Variants in UBE2W observed in about 807,000 individuals in gnomAD.
The protein encoded by UBE2W is ubiquitin conjugating enzyme E2 W, also known as ubiquitin-conjugating enzyme E2 W.
UBE2W carries 18 observed loss-of-function variants against 27.2 expected under a neutral mutation model. That is an observed-to-expected ratio of 0.66 (90% CI 0.46 to 0.98). The LOEUF is 0.98. UBE2W is among the 50% of genes least tolerant of loss of function. UBE2W has a pLI of 0.00. For synonymous variants in UBE2W, 53 were observed against 57.2 expected (o/e 0.93, Z 0.33); for missense variants, 90 against 180.2 (o/e 0.50, Z 2.87).
At chr8:73,783,263 T>C (rs915554128), downstream of UBE2W, among the ~76,000 whole-genome samples, 13 of 152,214 alleles carry the variant, frequency 8.5e-5, no homozygotes, top group Non-Finnish European at 1.6e-4. Flanking sequence ...CTTTTAGAAT[T>C]TGTGTCATAG....
At chr8:73,818,708 T>C (rs73338459) in intron 3 of UBE2W, among the ~76,000 whole-genome samples, 8,416 of 152,258 alleles carry the variant, frequency 0.055, 764 homozygotes, top group African/African-American at 0.19. Flanking sequence ...CTCTCATGAA[T>C]GGCTTGGTGA....
intron 5 of UBE2W, chr8:73,795,688 G>T: frequency 2.9e-6 from 2 of 691,600 alleles, no homozygotes; most frequent in Non-Finnish European, 3.6e-6. Context: ...AAACAGACTG[G>T]AGTTTAAAAA....
In UBE2W at chr8:73,788,966, T is replaced by C. The variant is rs944774496; in HGVS notation, c.*5136A>G. 1 of 982,998 alleles carries C rather than the reference T, an allele frequency of 1.0e-6. No individual in the cohort carries two copies. The highest frequency in any genetic ancestry group is 1.8e-5 in the African/African-American group (1 of 57,080). The allele number at this position is 982,998 out of a possible 1,614,324, so 60.9% of individuals were successfully genotyped here. On this transcript the variant is annotated 3_prime_UTR_variant, in exon 6 of 6. Transcript: ENST00000602593. ...CCTCAGATATTTTATTAACAAAAAA[T>C]TTTTCATAAAAAAATAGTCATTTAA...
Position 73,791,891 on chromosome 8 carries a change from T to C in UBE2W, c.*2211A>G. ...TAGAGAGAGAGGTATGTTAAAATAT[T>C]GTCATAAAAAACTCAATTGAGGCTA... On this transcript the variant is annotated 3_prime_UTR_variant, in exon 6 of 6. Coordinates refer to ENST00000602593, the MANE Select transcript of UBE2W (RefSeq NM_018299.6). 1.0e-6 allele frequency: 1 copy of C among 984,844 alleles called. No individual in the cohort carries two copies. Among genetic ancestry groups the C allele is most frequent in the Non-Finnish European group, 1.2e-6 (1 of 829,364 alleles). 61.0% of individuals were successfully genotyped at this position (984,844 alleles called of 1,614,324 possible).
chr8:73,857,864 C>T (rs1811370136), intron 1 of UBE2W, among the ~76,000 whole-genome samples: 1 of 151,942 alleles, frequency 6.6e-6, no homozygotes, highest in Admixed American at 6.6e-5. Flanking sequence ...CCTTTTGCTT[C>T]AAAGTTTACA....
At chr8:73,857,386 C>G (rs1454353300) in intron 1 of UBE2W, among the ~76,000 whole-genome samples, 1 of 152,118 alleles carries the variant, frequency 6.6e-6, no homozygotes, top group Non-Finnish European at 1.5e-5. Flanking sequence ...AATAAAAATA[C>G]CAACTTTTTT....
At chr8:73,856,890 A>G (rs1210433658) in intron 1 of UBE2W, among the ~76,000 whole-genome samples, 1 of 151,782 alleles carries the variant, frequency 6.6e-6, no homozygotes, top group East Asian at 1.9e-4. Context: ...TATTTTTAGT[A>G]GAAAGGGGGT....
chr8:73,820,195 T>C (rs926598741), intron 3 of UBE2W, among the ~76,000 whole-genome samples: 1 of 152,150 alleles, frequency 6.6e-6, no homozygotes, highest in Non-Finnish European at 1.5e-5. Context: ...AGAGGACTGG[T>C]TCTAGCCACT....
At chr8:73,783,967 TCTCAAACTCCACAC>T (rs555260443), downstream of UBE2W, among the ~76,000 whole-genome samples, 3 of 152,172 alleles carry the variant, frequency 2.0e-5, no homozygotes, top group Admixed American at 2.0e-4. Flanking sequence ...GCTAGGCTGA[TCTCAAACTCCACAC>T]CTCAGGTGAT....
intron 4 of UBE2W, among the ~76,000 whole-genome samples, chr8:73,807,079 C>T (rs1808940341): frequency 6.6e-6 from 1 of 152,134 alleles, no homozygotes. Context: ...TCTACAAAGA[C>T]TTGGAAACAT....
At chr8:73,831,763 G>A in intron 1 of UBE2W, 1 of 151,612 alleles carries the variant, frequency 6.6e-6, no homozygotes, top group Non-Finnish European at 1.5e-5. Context: ...TCACTATGTT[G>A]CACAGGCTGG....
chr8:73,832,138 T>TAA (rs1203601841), intron 1 of UBE2W, among the ~76,000 whole-genome samples: 1 of 148,610 alleles, frequency 6.7e-6, no homozygotes, highest in Non-Finnish European at 1.5e-5. Flanking sequence ...AATAAATAAA[T>TAA]ATATATATAT....
At position 73,847,833 on chromosome 8, in the gene UBE2W, T is replaced by C. The variant is rs186055845; in HGVS notation, c.16-17361A>G. Reference sequence around the variant, plus strand: ...AGGAGAATTGCTTGAACCCAGGAGGTAGAGGTTGCCATGAGCCAAGATTGT... The same window carrying C: ...AGGAGAATTGCTTGAACCCAGGAGGCAGAGGTTGCCATGAGCCAAGATTGT... On this transcript the variant is annotated intron_variant, in intron 1 of 5. Transcript: ENST00000602593. Among the ~76,000 whole-genome samples, 11 of 143,580 alleles carry C rather than the reference T, an allele frequency of 7.7e-5. No homozygotes were observed. In the East Asian group the frequency reaches 1.9e-3, roughly 25 times the overall value. The allele number at this position is 143,580 out of a possible 152,430, so 94.2% of individuals were successfully genotyped here.
chr8:73,867,428 G>C (rs940518636), intron 1 of UBE2W, among the ~76,000 whole-genome samples: 17 of 151,600 alleles, frequency 1.1e-4, no homozygotes, highest in African/African-American at 3.9e-4. Flanking sequence ...CCAGCTACTC[G>C]GGAGGCTGAA....
At chr8:73,878,621 AC>A (rs1402659403) in intron 1 of UBE2W, among the ~76,000 whole-genome samples, 186 bp downstream of exon 1, 5 of 151,282 alleles carry the variant, frequency 3.3e-5, no homozygotes, top group East Asian at 1.9e-4. Flanking sequence ...CGGATACCGC[AC>A]CCCCCACAAC....
At chr8:73,794,861 A>G (rs1488211347) in intron 5 of UBE2W, among the ~76,000 whole-genome samples, 1 of 148,144 alleles carries the variant, frequency 6.8e-6, no homozygotes, top group Non-Finnish European at 1.5e-5. Flanking sequence ...TCATAAAAAA[A>G]AAAAAAAAGA....
chr8:73,808,383 C>T (rs1172944541), intron 4 of UBE2W, among the ~76,000 whole-genome samples: 6 of 152,158 alleles, frequency 3.9e-5, no homozygotes, highest in African/African-American at 7.2e-5. Flanking sequence ...TACAGGCATG[C>T]GCCACCACGC....
intron 1 of UBE2W, among the ~76,000 whole-genome samples, chr8:73,859,947 T>C (rs1198635662): frequency 3.3e-5 from 5 of 151,998 alleles, no homozygotes; most frequent in Admixed American, 2.6e-4. Flanking sequence ...ACCTTAAAAA[T>C]AAAACATTTG....
At position 73,878,788 on chromosome 8, in the gene UBE2W, A is replaced by T; in HGVS notation, c.15+20T>A. The T allele has an allele frequency of 6.5e-7, 1 of 1,546,540 alleles. No homozygotes were observed. Among genetic ancestry groups the T allele is most frequent in the Non-Finnish European group, 8.7e-7 (1 of 1,143,046 alleles). On this transcript the variant is annotated intron_variant, in intron 1 of 5. Coordinates refer to ENST00000602593, the MANE Select transcript of UBE2W (RefSeq NM_018299.6). ...CTCGGCGGCTCCCTGGCCCGCCCAG[A>T]TGCAGCAAACTCCTCTCACCTGCAT...
Sources: gnomAD v4.1 joint callset for allele counts (sites outside exome capture counted in the v4.1 genomes callset) on GRCh38, gnomAD v4.1.1 for gene constraint, MANE v1.5 for transcripts, NCBI Gene and HGNC (gene_info 2026-07-23, HGNC 2026-07-21) for gene names.